Variants in FHIP1A observed in about 807,000 individuals in gnomAD.
FHIP1A encodes the protein FHF complex subunit HOOK-interacting protein 1A.
FHIP1A carries 61 observed loss-of-function variants against 88.6 expected under a neutral mutation model. The observed-to-expected ratio is 0.69, with a 90% confidence interval of 0.56 to 0.85. The LOEUF (loss-of-function observed/expected upper bound fraction) is 0.85. FHIP1A is among the 40% of genes least tolerant of loss of function. FHIP1A has a pLI of 0.00. For synonymous variants in FHIP1A, 478 were observed against 496.0 expected (o/e 0.96, Z 0.48); for missense variants, 1,154 against 1,273.5 (o/e 0.91, Z 1.43).
At chr4:151,642,426 C>T (rs756778547) in intron 9 of FHIP1A, among the ~76,000 whole-genome samples, 8 of 151,886 alleles carry the variant, frequency 5.3e-5, no homozygotes, top group Non-Finnish European at 7.4e-5. Flanking sequence ...TTTCATCTTG[C>T]ATAGGAGCTA....
chr4:151,597,455 G>T (rs1461190350), intron 7 of FHIP1A, among the ~76,000 whole-genome samples: 1 of 152,182 alleles, frequency 6.6e-6, no homozygotes, highest in East Asian at 1.9e-4. Flanking sequence ...CCTGTATGAG[G>T]TGTCTGTGGA....
At chr4:151,567,369 C>G (rs992637009) in intron 4 of FHIP1A, among the ~76,000 whole-genome samples, 8 of 151,884 alleles carry the variant, frequency 5.3e-5, no homozygotes, top group African/African-American at 1.9e-4. Flanking sequence ...CAGTTTAGAT[C>G]AAAACCAAGC....
At chr4:151,517,273 A>C (rs1448481603) in intron 3 of FHIP1A, among the ~76,000 whole-genome samples, 1 of 150,736 alleles carries the variant, frequency 6.6e-6, no homozygotes, top group Non-Finnish European at 1.5e-5. Flanking sequence ...GGACACAGGA[A>C]GGGGAACATC....
In FHIP1A at chr4:151,566,381, A is replaced by G; in HGVS notation, c.105+17A>G. On this transcript the variant is annotated intron_variant, in intron 4 of 13. Transcript: ENST00000435205. Reference sequence around the variant, plus strand: ...TGGGCACAGGTAATGTATGAATTCCACTTTTTTTGCTGGTCTCAGTAACCC... The same window carrying G: ...TGGGCACAGGTAATGTATGAATTCCGCTTTTTTTGCTGGTCTCAGTAACCC... 6.7e-7 allele frequency: 1 copy of G among 1,494,528 alleles called. No individual in the cohort carries two copies. Among genetic ancestry groups the G allele is most frequent in the Middle Eastern group, 1.7e-4 (1 of 5,876 alleles). The allele number at this position is 1,494,528 out of a possible 1,614,324, so 92.6% of individuals were successfully genotyped here. A position where few individuals can be genotyped will look rare whatever the true frequency, so the allele number is the denominator to read the frequency against.
Position 151,666,668 on chromosome 4 carries a change from C to T in FHIP1A, c.*3914C>T, listed in dbSNP as rs577402740. On this transcript the variant is annotated 3_prime_UTR_variant, in exon 14 of 14. Coordinates refer to ENST00000435205, the MANE Select transcript of FHIP1A (RefSeq NM_001109977.3). The stretch of plus-strand genomic sequence containing the variant: ...TGTCTCCAAATCAGCTTGGCTGTGG[C>T]CGTCATGTGGACTGATTCCCAGGTC... Among the ~76,000 whole-genome samples the T allele has an allele frequency of 6.6e-6, 1 of 152,234 alleles. No individual in the cohort carries two copies. Among genetic ancestry groups the T allele is most frequent in the Non-Finnish European group, 1.5e-5 (1 of 68,022 alleles).
At chr4:151,571,388 G>A (rs1733596809) in intron 4 of FHIP1A, among the ~76,000 whole-genome samples, 1 of 152,202 alleles carries the variant, frequency 6.6e-6, no homozygotes, top group Admixed American at 6.5e-5. Flanking sequence ...AATAGTGATG[G>A]ATGAGGAAAA....
chr4:151,616,444 CTTT>C (rs763599410), intron 7 of FHIP1A, among the ~76,000 whole-genome samples: 3 of 113,388 alleles, frequency 2.6e-5, no homozygotes, highest in Admixed American at 8.9e-5. Context: ...TTCTTTCTTT[CTTT>C]TTTTTTTTTT....
chr4:151,665,497 G>A lies in FHIP1A; in HGVS notation c.*2743G>A, dbSNP rs955797962. The stretch of plus-strand genomic sequence containing the variant: ...ATGAAGTCAGAAAATGGAGCTGGAT[G>A]TAGAGAGAACAGGAAAACCCATGTG... On this transcript the variant is annotated 3_prime_UTR_variant, in exon 14 of 14. Coordinates refer to ENST00000435205, the MANE Select transcript of FHIP1A (RefSeq NM_001109977.3). Among the ~76,000 whole-genome samples, 9 of 152,372 alleles carry A rather than the reference G, an allele frequency of 5.9e-5. No individual in the cohort carries two copies. The highest frequency in any genetic ancestry group is 2.2e-4 in the African/African-American group (9 of 41,594).
chr4:151,545,803 T>C lies in FHIP1A; in HGVS notation c.-122-20335T>C, dbSNP rs556540569. On this transcript the variant is annotated intron_variant, in intron 3 of 13. Transcript: ENST00000435205. Reference sequence around the variant, plus strand: ...AATTAAAATTTCCCTATTAAAAAAATTGAAAAAGAAACCTGCTTTGAAAAA... The same window carrying C: ...AATTAAAATTTCCCTATTAAAAAAACTGAAAAAGAAACCTGCTTTGAAAAA... Among the ~76,000 whole-genome samples, 13 of 152,268 alleles carry C rather than the reference T, an allele frequency of 8.5e-5. No individual in the cohort carries two copies. The South Asian group carries it at 2.7e-3, about 32-fold the overall frequency.
intron 2 of FHIP1A, among the ~76,000 whole-genome samples, chr4:151,460,373 A>G (rs779859783): frequency 6.6e-6 from 1 of 152,180 alleles, no homozygotes. Flanking sequence ...CATATTTCAT[A>G]TACCCTGCAG....
intron 1 of FHIP1A, among the ~76,000 whole-genome samples, chr4:151,432,991 A>G (rs1733652223): frequency 6.6e-6 from 1 of 152,082 alleles, no homozygotes; most frequent in Non-Finnish European, 1.5e-5. Context: ...AGGGTATTGT[A>G]TGGTTGTATT....
intron 1 of FHIP1A, among the ~76,000 whole-genome samples, chr4:151,452,370 A>G (rs545021294): frequency 6.6e-6 from 1 of 152,292 alleles, no homozygotes; most frequent in Non-Finnish European, 1.5e-5. Context: ...AGATATGAAC[A>G]CTTTACCTCC....
intron 6 of FHIP1A, among the ~76,000 whole-genome samples, chr4:151,587,563 A>C: frequency 6.6e-6 from 1 of 151,616 alleles, no homozygotes. Flanking sequence ...CATGTGCACA[A>C]CGTGCAGGTT....
At chr4:151,573,658 A>AT (rs1733679992) in intron 4 of FHIP1A, among the ~76,000 whole-genome samples, 1 of 152,034 alleles carries the variant, frequency 6.6e-6, no homozygotes, top group South Asian at 2.1e-4. Flanking sequence ...GGTTGAGAGT[A>AT]TAAGACAGCT....
intron 1 of FHIP1A, among the ~76,000 whole-genome samples, chr4:151,418,007 G>A (rs138168455): frequency 5.4e-4 from 82 of 151,614 alleles, no homozygotes; most frequent in African/African-American, 1.9e-3. Context: ...CGTCTTAACA[G>A]CAATAACAAC....
At chr4:151,483,867 A>G (rs1174052639) in intron 3 of FHIP1A, among the ~76,000 whole-genome samples, 1 of 152,198 alleles carries the variant, frequency 6.6e-6, no homozygotes, top group African/African-American at 2.4e-5. Flanking sequence ...AGGACTTCTT[A>G]TGAAGTTCTG....
intron 7 of FHIP1A, among the ~76,000 whole-genome samples, chr4:151,627,994 A>G (rs1736014686): frequency 6.6e-6 from 1 of 152,158 alleles, no homozygotes; most frequent in Non-Finnish European, 1.5e-5. Context: ...AAACACAAAG[A>G]CGGAAGTAGT....
intron 4 of FHIP1A, among the ~76,000 whole-genome samples, chr4:151,575,498 T>C (rs1372964931): frequency 6.6e-6 from 1 of 152,038 alleles, no homozygotes; most frequent in Admixed American, 6.6e-5. Flanking sequence ...TGGGTGCACT[T>C]TGGAGTCAGG....
intron 7 of FHIP1A, among the ~76,000 whole-genome samples, chr4:151,620,761 T>C (rs1735708766): frequency 6.6e-6 from 1 of 151,586 alleles, no homozygotes; most frequent in African/African-American, 2.4e-5. Context: ...AGATATCTTT[T>C]TTTTTTTTTA....
Sources: gnomAD v4.1 joint callset for allele counts (sites outside exome capture counted in the v4.1 genomes callset) on GRCh38, gnomAD v4.1.1 for gene constraint, MANE v1.5 for transcripts, NCBI Gene and HGNC (gene_info 2026-07-23, HGNC 2026-07-21) for gene names.